The following RBMS3 variants were observed in gnomAD, a reference collection of about 807,000 sequenced individuals.
The protein encoded by RBMS3 is RNA-binding motif, single-stranded-interacting protein 3.
Under a neutral mutation model 66.8 loss-of-function variants are expected in RBMS3, and 27 were observed. The observed-to-expected ratio is 0.40, with a 90% CI of 0.30 to 0.56. The LOEUF (loss-of-function observed/expected upper bound fraction) is 0.56. Ranked by LOEUF, RBMS3 falls within the 20% of genes least tolerant of loss-of-function variation. The pLI, the probability that RBMS3 is intolerant of heterozygous loss-of-function variation, is 0.40. For synonymous variants in RBMS3, 188 were observed against 183.0 expected (o/e 1.03, Z -0.22); for missense variants, 513 against 549.5 (o/e 0.93, Z 0.66).
chr3:29,349,016 G>A (rs2036748306), intron 1 of RBMS3, among the ~76,000 whole-genome samples: 1 of 152,146 alleles, frequency 6.6e-6, no homozygotes, highest in Non-Finnish European at 1.5e-5. Context: ...GAGGACAGGT[G>A]AGGAAGGTAG....
At position 29,623,439 on chromosome 3, in the gene RBMS3, A is replaced by G. The variant is rs535229350; in HGVS notation, c.399+36234A>G. On this transcript the variant is annotated intron_variant, in intron 4 of 14. Transcript: ENST00000383767. ...AACCCCGTCTCTACTAAAAATACAA[A>G]AAATTAGCCAGGCGTGGTGGCGGGC... Among the ~76,000 whole-genome samples the G allele has an allele frequency of 1.1e-4, 17 of 151,768 alleles. No homozygotes were observed. The South Asian group carries it at 3.6e-3, about 32-fold the overall frequency.
intron 4 of RBMS3, among the ~76,000 whole-genome samples, chr3:29,700,728 G>T: frequency 6.6e-6 from 1 of 151,562 alleles, no homozygotes; most frequent in South Asian, 2.1e-4. Flanking sequence ...GGAAAGTAAT[G>T]GGGAGTTAGG....
chr3:29,450,710 A>G (rs893979628), intron 2 of RBMS3, among the ~76,000 whole-genome samples: 2 of 152,146 alleles, frequency 1.3e-5, no homozygotes, highest in Admixed American at 6.6e-5. Flanking sequence ...AAAGGTATGT[A>G]TCCTAAGCCT....
At chr3:29,946,376 ATTGT>A (rs901340487) in intron 12 of RBMS3, among the ~76,000 whole-genome samples, 2 of 151,674 alleles carry the variant, frequency 1.3e-5, no homozygotes, top group Admixed American at 6.6e-5. Flanking sequence ...GTTTTAATTG[ATTGT>A]AGTCGAGATA....
intron 1 of RBMS3, among the ~76,000 whole-genome samples, chr3:29,375,442 G>T (rs548004379): frequency 3.3e-5 from 5 of 152,284 alleles, no homozygotes; most frequent in African/African-American, 1.2e-4. Context: ...GAAAATTTTT[G>T]CAGTCTATCC....
At chr3:29,745,247 TG>T (rs1256509834) in intron 5 of RBMS3, among the ~76,000 whole-genome samples, 2 of 121,592 alleles carry the variant, frequency 1.6e-5, no homozygotes, top group Non-Finnish European at 3.8e-5. Context: ...TGTGTGTGTG[TG>T]TTTTTTTTTA....
At chr3:29,659,200 T>G (rs2050438445) in intron 4 of RBMS3, among the ~76,000 whole-genome samples, 1 of 152,222 alleles carries the variant, frequency 6.6e-6, no homozygotes, top group Non-Finnish European at 1.5e-5. Flanking sequence ...AGAGATTTTT[T>G]TTCCAATTTT....
In RBMS3 at chr3:29,336,259, T is replaced by C. The variant is rs570553651; in HGVS notation, c.75+54503T>C. Among the ~76,000 whole-genome samples, 6 of 152,304 alleles carry C rather than the reference T, an allele frequency of 3.9e-5. No individual in the cohort carries two copies. In the South Asian group the frequency reaches 1.2e-3, roughly 32 times the overall value. ...ATAGGCTTAGGAGTGGATGTACTTT[T>C]GTGTGCATGTACAACATATTTTGCT... On this transcript the variant is annotated intron_variant, in intron 1 of 14. Coordinates refer to ENST00000383767, the MANE Select transcript of RBMS3 (RefSeq NM_001003793.3).
intron 6 of RBMS3, among the ~76,000 whole-genome samples, chr3:29,857,755 C>T (rs1437279574): frequency 6.6e-6 from 1 of 152,034 alleles, no homozygotes; most frequent in Non-Finnish European, 1.5e-5. Flanking sequence ...GGCCCAGCTC[C>T]TGACCTCAAT....
chr3:29,573,113 C>T lies in RBMS3; in HGVS notation c.308-14001C>T, dbSNP rs528543597. On this transcript the variant is annotated intron_variant, in intron 3 of 14. Transcript: ENST00000383767. ...TTCTGTGACATAAGTTTTAAGAGCT[C>T]CTTATTCTTTTTTATTTTTTCTTTT... Among the ~76,000 whole-genome samples the T allele has an allele frequency of 2.0e-5, 3 of 151,872 alleles. No individual in the cohort carries two copies. In the South Asian group the frequency reaches 6.3e-4, roughly 32 times the overall value.
chr3:29,970,660 T>TC (rs1559849261), intron 12 of RBMS3, among the ~76,000 whole-genome samples: 3 of 152,176 alleles, frequency 2.0e-5, no homozygotes, highest in Admixed American at 6.6e-5. Context: ...CCCATACCCT[T>TC]TAGAAGTCCA....
intron 6 of RBMS3, among the ~76,000 whole-genome samples, chr3:29,803,995 A>G (rs1251898708): frequency 2.0e-5 from 3 of 152,066 alleles, no homozygotes; most frequent in Non-Finnish European, 1.5e-5. Flanking sequence ...TAAAAATCAT[A>G]CAAAATCATT....
At chr3:29,995,109 A>G (rs1699131839) in intron 14 of RBMS3, among the ~76,000 whole-genome samples, 1 of 152,264 alleles carries the variant, frequency 6.6e-6, no homozygotes, top group Non-Finnish European at 1.5e-5. Context: ...CCAAGGCTCA[A>G]GAACTACGTG....
intron 4 of RBMS3, among the ~76,000 whole-genome samples, chr3:29,689,096 T>C (rs2051862317): frequency 9.2e-6 from 1 of 108,862 alleles, no homozygotes; most frequent in Non-Finnish European, 1.9e-5. Context: ...TATACCTATA[T>C]AGAAATAGAT....
At chr3:29,409,381 T>G (rs1484601746) in intron 1 of RBMS3, among the ~76,000 whole-genome samples, 1 of 152,066 alleles carries the variant, frequency 6.6e-6, no homozygotes, top group Non-Finnish European at 1.5e-5. Flanking sequence ...CCATGTGGCC[T>G]CCCTCTCTAG....
intron 5 of RBMS3, among the ~76,000 whole-genome samples, chr3:29,745,805 C>T (rs1559629432): frequency 6.6e-6 from 1 of 151,872 alleles, no homozygotes; most frequent in Non-Finnish European, 1.5e-5. Context: ...TGAATGACTT[C>T]TAACATATGG....
intron 4 of RBMS3, among the ~76,000 whole-genome samples, chr3:29,660,575 G>A (rs1307061708): frequency 1.3e-5 from 2 of 152,154 alleles, no homozygotes; most frequent in East Asian, 3.9e-4. Flanking sequence ...TATATGCTGT[G>A]TAGCTTTTTT....
At chr3:29,527,793 C>T (rs1417027841) in intron 3 of RBMS3, among the ~76,000 whole-genome samples, 1 of 141,730 alleles carries the variant, frequency 7.1e-6, no homozygotes, top group South Asian at 2.6e-4. Context: ...TCCCTCCCCC[C>T]TCCCCCTACC....
At chr3:29,634,149 A>G (rs1050620964) in intron 4 of RBMS3, among the ~76,000 whole-genome samples, 4 of 151,932 alleles carry the variant, frequency 2.6e-5, no homozygotes, top group African/African-American at 9.7e-5. Context: ...CAAAAGAGGG[A>G]GAAAGATACA....
Sources: allele counts gnomAD v4.1 joint callset (sites outside exome capture counted in the v4.1 genomes callset), GRCh38; gene constraint gnomAD v4.1.1; transcripts MANE v1.5; gene names NCBI Gene and HGNC (gene_info 2026-07-23, HGNC 2026-07-21).